The following NALF1 variants were observed in gnomAD, a reference collection of about 807,000 sequenced individuals.
NALF1 encodes the protein family with sequence similarity 155 member A.
A neutral mutation model predicts 48.4 loss-of-function variants in NALF1; 3 were observed. That is an observed-to-expected ratio of 0.06 (90% CI 0.03 to 0.16). NALF1 has a LOEUF of 0.16. Among genes scored for constraint, NALF1 ranks in the 10% least tolerant of loss-of-function variants. NALF1 has a pLI of 1.00. For synonymous variants in NALF1, 262 were observed against 245.7 expected (o/e 1.07, Z -0.62); for missense variants, 526 against 571.5 (o/e 0.92, Z 0.81).
intron 1 of NALF1, among the ~76,000 whole-genome samples, chr13:107,341,356 CTG>C (rs150389320): frequency 2.6e-5 from 4 of 151,094 alleles, no homozygotes; most frequent in Admixed American, 6.6e-5. Flanking sequence ...CCGAAATACC[CTG>C]TGTGTGTGTG....
chr13:107,251,582 T>C (rs1880701849), intron 1 of NALF1, among the ~76,000 whole-genome samples: 1 of 152,166 alleles, frequency 6.6e-6, no homozygotes, highest in Non-Finnish European at 1.5e-5. Flanking sequence ...GGAGAGGTTA[T>C]AAACTTTGAT....
Position 107,842,517 on chromosome 13 carries a change from A to G in NALF1, c.915+23165T>C, listed in dbSNP as rs576849047. ...CAACAAGTAACAGTTTTTGTGGTAAAGTATCTTTAGAGTTTTTTTTTTATT... is the reference window on the plus strand; with the variant it reads ...CAACAAGTAACAGTTTTTGTGGTAAGGTATCTTTAGAGTTTTTTTTTTATT... On this transcript the variant is annotated intron_variant, in intron 1 of 2. Transcript: ENST00000375915. 7.9e-5 allele frequency among the ~76,000 whole-genome samples: 12 copies of G among 152,040 alleles called. No individual in the cohort carries two copies. The East Asian group carries it at 1.7e-3, about 22-fold the overall frequency.
chr13:107,642,834 T>C (rs1880196922), intron 1 of NALF1, among the ~76,000 whole-genome samples: 1 of 152,238 alleles, frequency 6.6e-6, no homozygotes, highest in South Asian at 2.1e-4. Context: ...TATGTGCTCA[T>C]GCCAGAACCC....
At chr13:107,389,715 T>C (rs1883589602) in intron 1 of NALF1, among the ~76,000 whole-genome samples, 2 of 152,174 alleles carry the variant, frequency 1.3e-5, no homozygotes, top group Non-Finnish European at 2.9e-5. Flanking sequence ...TGCGAGCTCA[T>C]GAAGGCAAGA....
Position 107,252,409 on chromosome 13 carries a change from G to A in NALF1, c.916-41654C>T, listed in dbSNP as rs113164115. ...AGAGGGAGAGAGAAAGATAGAGAGG[G>A]GAGAATAAAGAGAGGAGAGAGGAAA... On this transcript the variant is annotated intron_variant, in intron 1 of 2. Coordinates refer to ENST00000375915, the MANE Select transcript of NALF1 (RefSeq NM_001080396.3). 3.3e-5 allele frequency among the ~76,000 whole-genome samples: 5 copies of A among 151,500 alleles called. 1 individual carries two copies. The highest frequency in any genetic ancestry group is 1.2e-4 in the African/African-American group (5 of 41,248).
At chr13:107,720,326 A>G (rs761394151) in intron 1 of NALF1, among the ~76,000 whole-genome samples, 1 of 152,100 alleles carries the variant, frequency 6.6e-6, no homozygotes, top group South Asian at 2.1e-4. Flanking sequence ...CCTGACCAAT[A>G]TGGTGAAACA....
At chr13:107,676,330 C>T (rs7332984) in intron 1 of NALF1, among the ~76,000 whole-genome samples, 9,415 of 152,196 alleles carry the variant, frequency 0.062, 690 homozygotes, top group African/African-American at 0.18. Context: ...CTGGGAATTC[C>T]TGTGTGAAGA....
At chr13:107,360,431 C>T (rs985119207) in intron 1 of NALF1, among the ~76,000 whole-genome samples, 12 of 152,156 alleles carry the variant, frequency 7.9e-5, no homozygotes, top group African/African-American at 2.9e-4. Context: ...CACCCTTTCA[C>T]ATCATGAAAA....
intron 1 of NALF1, among the ~76,000 whole-genome samples, chr13:107,560,013 T>C (rs937144413): frequency 1.3e-5 from 2 of 151,862 alleles, no homozygotes; most frequent in Admixed American, 6.6e-5. Context: ...CTTCCCTCCA[T>C]AGAAAGGAAG....
At chr13:107,347,105 G>C (rs1882787247) in intron 1 of NALF1, among the ~76,000 whole-genome samples, 1 of 152,180 alleles carries the variant, frequency 6.6e-6, no homozygotes, top group East Asian at 1.9e-4. Flanking sequence ...TAACATAAAA[G>C]TGTTCATATT....
At chr13:107,729,155 A>AAT (rs1468208666) in intron 1 of NALF1, among the ~76,000 whole-genome samples, 1 of 152,214 alleles carries the variant, frequency 6.6e-6, no homozygotes, top group Non-Finnish European at 1.5e-5. Flanking sequence ...GTTTTTGTAC[A>AAT]GCAATAATCT....
At chr13:107,365,257 A>T (rs1329123217) in intron 1 of NALF1, among the ~76,000 whole-genome samples, 2 of 151,918 alleles carry the variant, frequency 1.3e-5, no homozygotes, top group African/African-American at 4.8e-5. Context: ...AAGTACAGAA[A>T]TACTGCTTTA....
chr13:107,580,408 G>C (rs1269522404), intron 1 of NALF1, among the ~76,000 whole-genome samples: 3 of 152,110 alleles, frequency 2.0e-5, no homozygotes, highest in African/African-American at 2.4e-5. Flanking sequence ...AGCTCTGCCT[G>C]AATTGTGTGC....
intron 1 of NALF1, among the ~76,000 whole-genome samples, chr13:107,679,089 T>C (rs928314625): frequency 5.9e-5 from 9 of 152,212 alleles, no homozygotes; most frequent in Non-Finnish European, 1.2e-4. Context: ...TTGTTCTGAC[T>C]TTTCTCTCTA....
At chr13:107,672,412 A>G (rs1314428363) in intron 1 of NALF1, among the ~76,000 whole-genome samples, 1 of 152,172 alleles carries the variant, frequency 6.6e-6, no homozygotes, top group Non-Finnish European at 1.5e-5. Context: ...AGGGTAGCAC[A>G]TAGGGGAGGT....
chr13:107,844,275 G>A (rs1174462431), intron 1 of NALF1, among the ~76,000 whole-genome samples: 1 of 151,908 alleles, frequency 6.6e-6, no homozygotes, highest in Non-Finnish European at 1.5e-5. Context: ...CTATACAAGA[G>A]AATCTTATGA....
chr13:107,613,426 G>A (rs1879293886), intron 1 of NALF1, among the ~76,000 whole-genome samples: 1 of 152,162 alleles, frequency 6.6e-6, no homozygotes, highest in South Asian at 2.1e-4. Context: ...GCTGCAGACT[G>A]TGGTCAACAG....
At chr13:107,780,860 T>C (rs1018778717) in intron 1 of NALF1, among the ~76,000 whole-genome samples, 1 of 152,188 alleles carries the variant, frequency 6.6e-6, no homozygotes, top group African/African-American at 2.4e-5. Context: ...ACTGACTTCA[T>C]AATCTTTTTG....
intron 1 of NALF1, among the ~76,000 whole-genome samples, chr13:107,350,456 G>A (rs1000457582): frequency 3.9e-5 from 6 of 152,244 alleles, no homozygotes; most frequent in Non-Finnish European, 5.9e-5. Flanking sequence ...CAATAAACCC[G>A]TTGCTAGTCC....
Sources: allele counts gnomAD v4.1 joint callset (sites outside exome capture counted in the v4.1 genomes callset), GRCh38; gene constraint gnomAD v4.1.1; transcripts MANE v1.5; gene names NCBI Gene and HGNC (gene_info 2026-07-23, HGNC 2026-07-21).